TMEM184C: variants seen among roughly 807,000 people sequenced by gnomAD.
TMEM184C encodes the protein transmembrane protein 184C.
TMEM184C carries 25 observed loss-of-function variants against 54.5 expected under a neutral mutation model. The observed-to-expected ratio is 0.46, with a 90% confidence interval of 0.33 to 0.64. TMEM184C has a LOEUF of 0.64. Among genes scored for constraint, TMEM184C ranks in the 30% least tolerant of loss-of-function variants. The probability of loss-of-function intolerance (pLI) is 0.02; values close to 1 mark genes in which losing one functional copy is unlikely to be tolerated. For missense variants in TMEM184C, 335 were observed against 520.3 expected, an observed-to-expected ratio of 0.64 and a Z score of 3.46; for synonymous variants, 148 against 181.5, an observed-to-expected ratio of 0.82 and a Z score of 1.49.
rs1480595541 is a variant in TMEM184C at position 147,632,984 on chromosome 4, T to C, written c.861T>C (p.Ala287=). The change falls in exon 8 of 10, where the codon GCT becomes GCC. Residue 287 remains alanine (A), a synonymous_variant. Transcript: ENST00000296582. Reference sequence around the variant, plus strand: ...CGTGGGAATGGCAAACTGTAGAAGCTGTGGCCACCGGACTCCAGGTAAGTA... The same window carrying C: ...CGTGGGAATGGCAAACTGTAGAAGCCGTGGCCACCGGACTCCAGGTAAGTA... ...KHTWEWQTVE[A]VATGLQDFII... The C allele has an allele frequency of 6.2e-7, 1 of 1,614,016 alleles. No individual in the cohort carries two copies. Among genetic ancestry groups the C allele is most frequent in the Admixed American group, 1.7e-5 (1 of 59,970 alleles).
chr4:147,634,449 C>CAA lies in TMEM184C; in HGVS notation c.*17_*18dup. 6.2e-7 allele frequency: 1 copy of CAA among 1,610,416 alleles called. No homozygotes were observed. The highest frequency in any genetic ancestry group is 8.5e-7 in the Non-Finnish European group (1 of 1,178,072). On this transcript the variant is annotated 3_prime_UTR_variant, in exon 10 of 10. Transcript: ENST00000296582. ...TGGATTCCTGAACAGTATGGAAAAG[C>CAA]AAACTGTGCAACTACTACATTATAT...
At chr4:147,618,627 G>A (rs952571722) in intron 1 of TMEM184C, among the ~76,000 whole-genome samples, 7 of 151,938 alleles carry the variant, frequency 4.6e-5, no homozygotes, top group Admixed American at 2.6e-4. Flanking sequence ...AAACCCCAAG[G>A]TAAATAACTC....
intron 1 of TMEM184C, among the ~76,000 whole-genome samples, chr4:147,619,539 A>G (rs769055270): frequency 2.6e-4 from 40 of 152,250 alleles, no homozygotes; most frequent in Non-Finnish European, 4.9e-4. Context: ...GCTACATTCA[A>G]TATTTCCCAT....
At chr4:147,618,172 T>C (rs1371949274) in intron 1 of TMEM184C, 93 bp downstream of exon 1, 6 of 1,562,342 alleles carry the variant, frequency 3.8e-6, no homozygotes, top group Non-Finnish European at 5.3e-6. Context: ...GCCCTGACAG[T>C]CCTGAAAACC....
intron 1 of TMEM184C, among the ~76,000 whole-genome samples, chr4:147,620,093 T>C (rs1732679332): frequency 6.6e-6 from 1 of 152,152 alleles, no homozygotes; most frequent in South Asian, 2.1e-4. Context: ...AGAATTTCCT[T>C]TCCGTAGATA....
At chr4:147,631,029 G>A (rs748206017) in intron 6 of TMEM184C, among the ~76,000 whole-genome samples, 2 of 152,014 alleles carry the variant, frequency 1.3e-5, no homozygotes, top group African/African-American at 2.4e-5. Context: ...GATAGACTAG[G>A]TAATAAGCTA....
rs1320023884 is a variant in TMEM184C at position 147,624,779 on chromosome 4, C to A, written c.292-25C>A. 1.9e-6 allele frequency: 3 copies of A among 1,607,230 alleles called. No individual in the cohort carries two copies. The South Asian group carries it at 3.3e-5, about 18-fold the overall frequency. ...TTCATTTTATCTTAGCTGCAACTAT[C>A]TTTAACATCTGTGCTTTTTCATAGT... On this transcript the variant is annotated intron_variant, in intron 3 of 9. Transcript: ENST00000296582.
intron 7 of TMEM184C, 108 bp downstream of exon 7, chr4:147,631,613 C>A: frequency 1.3e-6 from 1 of 746,214 alleles, no homozygotes; most frequent in Non-Finnish European, 2.2e-6. Flanking sequence ...ATTAAAATGT[C>A]TCTACTTCTC....
chr4:147,632,701 C>G, intron 7 of TMEM184C: 1 of 502,246 alleles, frequency 2.0e-6, no homozygotes. Flanking sequence ...GACTCCCTAT[C>G]TTGAGACAAA....
rs1397584764 is a variant in TMEM184C at position 147,634,265 on chromosome 4, C to CAATTTCCA, written c.1149_1156dup (p.Ile386LysfsTer23). ...TTATTATCATCATCATCACAAGATG[C>CAATTTCCA]AATTTCCATTGCTTCTTCTATGCCA... On this transcript the variant is annotated frameshift_variant, in exon 10 of 10. Coordinates refer to ENST00000296582, the MANE Select transcript of TMEM184C (RefSeq NM_018241.3). LOFTEE classifies it high-confidence loss of function. The CAATTTCCA allele has an allele frequency of 7.4e-6, 12 of 1,614,162 alleles. No homozygotes were observed. The highest frequency in any genetic ancestry group is 1.0e-5 in the Non-Finnish European group (12 of 1,180,028).
At position 147,633,774 on chromosome 4, in the gene TMEM184C, A is replaced by G. The variant is rs1560955559; in HGVS notation, c.889A>G (p.Ile297Val). ...ATTGTTGTTCTCATAGGATTTTATTATCTGTATTGAGATGTTCCTCGCTGC... is the reference window on the plus strand; with the variant it reads ...ATTGTTGTTCTCATAGGATTTTATTGTCTGTATTGAGATGTTCCTCGCTGC... The part of the protein sequence containing the change: ...AVATGLQDFI[I>V]CIEMFLAAIA... Residue 297 changes from isoleucine (I) to valine (V), a missense_variant, in exon 9 of 10, where the codon ATC (isoleucine) becomes GTC (valine). Coordinates refer to ENST00000296582, the MANE Select transcript of TMEM184C (RefSeq NM_018241.3). The G allele has an allele frequency of 6.4e-7, 1 of 1,574,740 alleles. No individual in the cohort carries two copies. Among genetic ancestry groups the G allele is most frequent in the Non-Finnish European group, 8.6e-7 (1 of 1,158,866 alleles).
At chr4:147,618,989 C>T (rs1449113479) in intron 1 of TMEM184C, among the ~76,000 whole-genome samples, 2 of 152,102 alleles carry the variant, frequency 1.3e-5, no homozygotes, top group African/African-American at 4.8e-5. Flanking sequence ...CCTGCCTCAG[C>T]CTCCCGAGTA....
Position 147,620,188 on chromosome 4 carries a change from C to A in TMEM184C, c.123+2109C>A, listed in dbSNP as rs546940210. Among the ~76,000 whole-genome samples, 247 of 152,308 alleles carry A rather than the reference C, an allele frequency of 1.6e-3. 1 individual carries two copies. Among genetic ancestry groups the A allele is most frequent in the Non-Finnish European group, 2.6e-3 (178 of 68,034 alleles). Reference sequence around the variant, plus strand: ...TTAACATTGTCAACTTCCCCCCACCCCAACTCTTCATATTCCTTTCTCTGC... The same window carrying A: ...TTAACATTGTCAACTTCCCCCCACCACAACTCTTCATATTCCTTTCTCTGC... On this transcript the variant is annotated intron_variant, in intron 1 of 9. Transcript: ENST00000296582.
intron 1 of TMEM184C, among the ~76,000 whole-genome samples, chr4:147,620,285 T>C (rs1732685834): frequency 6.6e-6 from 1 of 152,186 alleles, no homozygotes; most frequent in African/African-American, 2.4e-5. Flanking sequence ...TCCCCCTCTT[T>C]CTGCCCAAAT....
chr4:147,623,130 G>A (rs2654940), intron 1 of TMEM184C, among the ~76,000 whole-genome samples: 131,212 of 152,082 alleles, frequency 0.86, 58,798 homozygotes, highest in Non-Finnish European at 0.98. Flanking sequence ...GCCCCTGGTA[G>A]AGGAAGAAAA....
chr4:147,618,209 G>C (rs894120777), intron 1 of TMEM184C, 130 bp downstream of exon 1: 6 of 1,344,912 alleles, frequency 4.5e-6, no homozygotes, highest in Non-Finnish European at 6.2e-6. Context: ...CCTACTCTTA[G>C]GATATAAACC....
rs1732976915 is a variant in TMEM184C, at chr4:147,634,482, T to G, written c.*48T>G. The G allele has an allele frequency of 6.3e-7, 1 of 1,574,922 alleles. No homozygotes were observed. Among genetic ancestry groups the G allele is most frequent in the Non-Finnish European group, 8.6e-7 (1 of 1,159,384 alleles). On this transcript the variant is annotated 3_prime_UTR_variant, in exon 10 of 10. Coordinates refer to ENST00000296582, the MANE Select transcript of TMEM184C (RefSeq NM_018241.3). The stretch of plus-strand genomic sequence containing the variant: ...GCAACTACTACATTATATCATTACC[T>G]GGTATCCCATGGATTTTGTGCTTGG...
At chr4:147,623,250 C>G (rs1451958079) in intron 1 of TMEM184C, among the ~76,000 whole-genome samples, 1 of 151,922 alleles carries the variant, frequency 6.6e-6, no homozygotes, top group East Asian at 1.9e-4. Context: ...AGTTCCAGAC[C>G]AGGCTGGCCA....
At position 147,634,572 on chromosome 4, in the gene TMEM184C, A is replaced by G. The variant is rs1242028304; in HGVS notation, c.*138A>G. On this transcript the variant is annotated 3_prime_UTR_variant, in exon 10 of 10. Coordinates refer to ENST00000296582, the MANE Select transcript of TMEM184C (RefSeq NM_018241.3). ...GCTGAAAGCCAGGTACAACTACTGC[A>G]TTTATATATGTAAGTTTTGTATATC... The G allele has an allele frequency of 4.4e-6, 4 of 918,908 alleles. No individual in the cohort carries two copies. 56.9% of individuals were successfully genotyped at this position (918,908 alleles called of 1,614,324 possible). A position where few individuals can be genotyped will look rare whatever the true frequency, so the allele number is the denominator to read the frequency against.
Sources: gnomAD v4.1 joint callset for allele counts (sites outside exome capture counted in the v4.1 genomes callset) on GRCh38, gnomAD v4.1.1 for gene constraint, MANE v1.5 for transcripts, NCBI Gene and HGNC (gene_info 2026-07-23, HGNC 2026-07-21) for gene names.